The following ROBO2 variants were observed in gnomAD, a reference collection of about 807,000 sequenced individuals.
The protein encoded by ROBO2 is roundabout homolog 2.
Under a neutral mutation model 160.8 loss-of-function variants are expected in ROBO2, and 53 were observed. That is an observed-to-expected ratio of 0.33 (90% confidence interval 0.26 to 0.41). The LOEUF (loss-of-function observed/expected upper bound fraction) is 0.41, where lower values mean the gene tolerates loss of function less well. Ranked by LOEUF, ROBO2 falls within the 10% of genes least tolerant of loss-of-function variation. The probability of loss-of-function intolerance (pLI) is 1.00; values close to 1 mark genes in which losing one functional copy is unlikely to be tolerated. For missense variants in ROBO2, 1,577 were observed against 1,722.4 expected (o/e 0.92, Z 1.49); for synonymous variants, 664 against 611.7 (o/e 1.09, Z -1.26).
chr3:76,323,156 C>CAT (rs1559763009), intron 2 of ROBO2, among the ~76,000 whole-genome samples: 1 of 151,386 alleles, frequency 6.6e-6, no homozygotes, highest in African/African-American at 2.4e-5. Context: ...CACACACACA[C>CAT]ACACACACAC....
intron 2 of ROBO2, among the ~76,000 whole-genome samples, chr3:76,692,444 C>T (rs2092822838): frequency 6.6e-6 from 1 of 152,102 alleles, no homozygotes; most frequent in South Asian, 2.1e-4. Context: ...GTCTGTAAAT[C>T]CCAAAGACAG....
chr3:77,380,946 C>A (rs972958542), intron 2 of ROBO2, among the ~76,000 whole-genome samples: 6 of 151,774 alleles, frequency 4.0e-5, no homozygotes, highest in African/African-American at 7.3e-5. Context: ...CCCCGTGAAA[C>A]TGGCAAATCC....
At chr3:76,079,672 G>A (rs976069103) in intron 2 of ROBO2, among the ~76,000 whole-genome samples, 30 of 152,016 alleles carry the variant, frequency 2.0e-4, no homozygotes, top group Non-Finnish European at 2.9e-4. Flanking sequence ...TTTTAGTAAA[G>A]ATGGGGTTTC....
At chr3:77,018,982 G>A (rs1296142862) in intron 2 of ROBO2, among the ~76,000 whole-genome samples, 1 of 152,128 alleles carries the variant, frequency 6.6e-6, no homozygotes, top group Non-Finnish European at 1.5e-5. Flanking sequence ...CCCTGTCCCT[G>A]ATCCAAGTAC....
chr3:77,328,686 T>G (rs1223207828), intron 2 of ROBO2, among the ~76,000 whole-genome samples: 3 of 152,170 alleles, frequency 2.0e-5, no homozygotes, highest in Non-Finnish European at 4.4e-5. Flanking sequence ...CTTTTCACAT[T>G]GCATTGCCCC....
chr3:76,001,820 C>T (rs756475207), intron 2 of ROBO2, among the ~76,000 whole-genome samples: 5 of 152,128 alleles, frequency 3.3e-5, no homozygotes, highest in African/African-American at 7.2e-5. Flanking sequence ...GATGAGATTA[C>T]AGGCATGAAC....
chr3:77,013,044 T>C (rs534250337), intron 2 of ROBO2, among the ~76,000 whole-genome samples: 23 of 152,280 alleles, frequency 1.5e-4, no homozygotes, highest in African/African-American at 5.5e-4. Flanking sequence ...TTTCTAAGTA[T>C]GAATTAGAAA....
rs1367429570 is a variant in ROBO2 at position 76,119,906 on chromosome 3, TTCCC to T, written c.109+182314_109+182317del. On this transcript the variant is annotated intron_variant, in intron 2 of 26. Coordinates refer to the ROBO2 transcript ENST00000487694. The stretch of plus-strand genomic sequence containing the variant: ...CCTTCCCTTCCCTTCCTTCCCTTCC[TTCCC>T]TCCCTCCCTTCCTTCCTTCCTTCCT... 3.1e-3 allele frequency among the ~76,000 whole-genome samples: 272 copies of T among 87,062 alleles called. 2 individuals are homozygous for T. Among genetic ancestry groups the T allele is most frequent in the Admixed American group, 4.6e-3 (38 of 8,272 alleles). 57.1% of individuals were successfully genotyped at this position (87,062 alleles called of 152,430 possible).
chr3:77,381,404 A>G (rs142386588), intron 2 of ROBO2, among the ~76,000 whole-genome samples: 6 of 152,294 alleles, frequency 3.9e-5, no homozygotes, highest in African/African-American at 1.4e-4. Flanking sequence ...AGGATGCCGT[A>G]TTAGTCCACA....
intron 2 of ROBO2, among the ~76,000 whole-genome samples, chr3:76,140,390 C>A (rs62268938): frequency 6.6e-6 from 1 of 151,864 alleles, no homozygotes; most frequent in Non-Finnish European, 1.5e-5. Flanking sequence ...GTAATCTGAG[C>A]CAAGCACTAT....
At chr3:76,975,240 C>G (rs1284708662) in intron 2 of ROBO2, among the ~76,000 whole-genome samples, 1 of 152,264 alleles carries the variant, frequency 6.6e-6, no homozygotes, top group South Asian at 2.1e-4. Context: ...TGTGGTGGCT[C>G]ACATCTGTAA....
At chr3:76,274,656 G>T (rs1161549393) in intron 2 of ROBO2, among the ~76,000 whole-genome samples, 1 of 151,814 alleles carries the variant, frequency 6.6e-6, no homozygotes, top group Non-Finnish European at 1.5e-5. Flanking sequence ...GGCCAGAATG[G>T]TGAAACCCCG....
intron 2 of ROBO2, among the ~76,000 whole-genome samples, chr3:76,569,038 A>G (rs1390035481): frequency 1.3e-5 from 2 of 152,226 alleles, no homozygotes; most frequent in Non-Finnish European, 2.9e-5. Flanking sequence ...ATGACTTGAT[A>G]TAGATATAAA....
intron 1 of ROBO2, among the ~76,000 whole-genome samples, chr3:77,049,671 A>G (rs1311257908): frequency 6.6e-6 from 1 of 152,188 alleles, no homozygotes; most frequent in African/African-American, 2.4e-5. Context: ...TTAGCTCAGG[A>G]GAGGGGGTTA....
At chr3:76,586,422 T>C (rs182288536) in intron 2 of ROBO2, among the ~76,000 whole-genome samples, 6 of 152,204 alleles carry the variant, frequency 3.9e-5, no homozygotes, top group African/African-American at 9.6e-5. Context: ...TTTCAGAAAT[T>C]AGTTCTAGTT....
chr3:77,590,878 A>G (rs578115812), intron 17 of ROBO2, among the ~76,000 whole-genome samples: 2 of 152,184 alleles, frequency 1.3e-5, no homozygotes, highest in South Asian at 2.1e-4. Context: ...AGAATAGTGC[A>G]TTTCCTGTTA....
At chr3:77,477,909 C>G (rs1326074475) in intron 3 of ROBO2, among the ~76,000 whole-genome samples, 2 of 147,924 alleles carry the variant, frequency 1.4e-5, no homozygotes, top group African/African-American at 5.1e-5. Flanking sequence ...TCACCGCAAC[C>G]TCTGCCTCCC....
intron 2 of ROBO2, among the ~76,000 whole-genome samples, chr3:76,552,014 A>C (rs966152715): frequency 6.6e-6 from 1 of 152,222 alleles, no homozygotes; most frequent in East Asian, 1.9e-4. Context: ...GCAATACTCA[A>C]GCAGAAGGTG....
intron 2 of ROBO2, among the ~76,000 whole-genome samples, chr3:77,270,709 C>A (rs190402573): frequency 1.3e-5 from 2 of 152,170 alleles, no homozygotes; most frequent in South Asian, 2.1e-4. Context: ...CTTTGGGAGG[C>A]CAAGGTGGGC....
Sources: allele counts gnomAD v4.1 joint callset (sites outside exome capture counted in the v4.1 genomes callset), GRCh38; gene constraint gnomAD v4.1.1; transcripts MANE v1.5; gene names NCBI Gene and HGNC (gene_info 2026-07-23, HGNC 2026-07-21).